Variants in RABGEF1 observed in about 807,000 individuals in gnomAD.
RABGEF1 encodes RAB guanine nucleotide exchange factor 1.
A neutral mutation model predicts 57.3 loss-of-function variants in RABGEF1; 26 were observed. That is an observed-to-expected ratio of 0.45 (90% CI 0.33 to 0.63). RABGEF1 has a LOEUF of 0.63. Ranked by LOEUF, RABGEF1 falls within the 20% of genes least tolerant of loss-of-function variation. RABGEF1 has a pLI of 0.02. For missense variants in RABGEF1, 464 were observed against 607.6 expected, an observed-to-expected ratio of 0.76 and a Z score of 2.48; for synonymous variants, 185 against 210.7, an observed-to-expected ratio of 0.88 and a Z score of 1.06.
At chr7:66,803,256 T>C (rs954728603) in intron 7 of RABGEF1, among the ~76,000 whole-genome samples, 1 of 152,180 alleles carries the variant, frequency 6.6e-6, no homozygotes, top group African/African-American at 2.4e-5. Context: ...CCCCACACGT[T>C]GTCTTTCATG....
At chr7:66,774,871 C>A (rs1808133866) in intron 2 of RABGEF1, among the ~76,000 whole-genome samples, 2 of 152,230 alleles carry the variant, frequency 1.3e-5, no homozygotes, top group Non-Finnish European at 2.9e-5. Context: ...TTCCTGTGTT[C>A]TCACAGCACT....
At chr7:66,678,618 G>C (rs1307492795), upstream of RABGEF1, among the ~76,000 whole-genome samples, 1 of 151,186 alleles carries the variant, frequency 6.6e-6, no homozygotes, top group African/African-American at 2.4e-5. Flanking sequence ...GGGAGGGAGA[G>C]GGATGAAGAG....
rs552345169 is a variant in RABGEF1, at chr7:66,731,756, C to T, written c.-814-8240C>T. ...TTGGCATCAGGTCTGCCAGGAGAGC[C>T]ACCCTCCTGTGCCACAGTCATGCCT... On this transcript the variant is annotated intron_variant and NMD_transcript_variant, in intron 2 of 9. Coordinates refer to the RABGEF1 transcript ENST00000607882. Among the ~76,000 whole-genome samples, 7 of 152,258 alleles carry T rather than the reference C, an allele frequency of 4.6e-5. No homozygotes were observed. In the South Asian group the frequency reaches 1.5e-3, roughly 32 times the overall value.
intron 4 of RABGEF1, among the ~76,000 whole-genome samples, chr7:66,792,382 C>G (rs1475245295): frequency 6.6e-6 from 1 of 152,176 alleles, no homozygotes; most frequent in South Asian, 2.1e-4. Flanking sequence ...GCCAAAGACA[C>G]GAGTCTCCTG....
Position 66,744,912 on chromosome 7 carries a change from G to T in RABGEF1, c.-18+4120G>T, listed in dbSNP as rs568701166. Among the ~76,000 whole-genome samples the T allele has an allele frequency of 5.5e-4, 83 of 152,104 alleles. 1 individual carries two copies. The South Asian group carries it at 0.012, about 22-fold the overall frequency. ...GTTTTCAGTGAAAAAAATGTTATCAGCCGCACACGGTGGCTCACGCCTGTA... is the reference window on the plus strand; with the variant it reads ...GTTTTCAGTGAAAAAAATGTTATCATCCGCACACGGTGGCTCACGCCTGTA... On this transcript the variant is annotated intron_variant, in intron 1 of 8. Coordinates refer to ENST00000284957, the MANE Select transcript of RABGEF1 (RefSeq NM_014504.3).
the RABGEF1 span, among the ~76,000 whole-genome samples, chr7:66,656,006 G>A: frequency 6.6e-6 from 1 of 152,198 alleles, no homozygotes; most frequent in East Asian, 1.9e-4. Flanking sequence ...AGCCTGGAAG[G>A]GATCGGGGAA....
intron 1 of RABGEF1, among the ~76,000 whole-genome samples, chr7:66,693,748 G>A (rs769435820): frequency 2.0e-5 from 3 of 152,082 alleles, no homozygotes; most frequent in African/African-American, 4.8e-5. Context: ...CGACCCTCAG[G>A]GAATCATTCA....
At chr7:66,682,577 C>G (rs1164234128) in intron 1 of RABGEF1, among the ~76,000 whole-genome samples, 2 of 152,200 alleles carry the variant, frequency 1.3e-5, no homozygotes, top group Non-Finnish European at 2.9e-5. Flanking sequence ...TCCCCTCGGT[C>G]CGGCTCCCAC....
chr7:66,670,573 G>A, the RABGEF1 span, among the ~76,000 whole-genome samples: 16 of 151,676 alleles, frequency 1.1e-4, no homozygotes, highest in African/African-American at 2.7e-4. Flanking sequence ...AGCTGGGCGC[G>A]GTGGCTCACA....
chr7:66,662,164 G>A, the RABGEF1 span, among the ~76,000 whole-genome samples: 1 of 151,954 alleles, frequency 6.6e-6, no homozygotes, highest in South Asian at 2.1e-4. Flanking sequence ...GCATGAACCC[G>A]GGAGGGGCAG....
At chr7:66,724,088 T>G (rs945429295) in intron 2 of RABGEF1, among the ~76,000 whole-genome samples, 1 of 152,150 alleles carries the variant, frequency 6.6e-6, no homozygotes, top group African/African-American at 2.4e-5. Flanking sequence ...GAAATTTTTT[T>G]TTTGTCTTCG....
At chr7:66,796,582 TTTTGTTTG>T (rs202225343) in intron 5 of RABGEF1, among the ~76,000 whole-genome samples, 20 of 152,080 alleles carry the variant, frequency 1.3e-4, no homozygotes, top group African/African-American at 4.1e-4. Flanking sequence ...AAGAAGATTT[TTTTGTTTG>T]TTTGTTTGTT....
chr7:66,680,836 C>A (rs1342214257), upstream of RABGEF1, among the ~76,000 whole-genome samples: 1 of 151,986 alleles, frequency 6.6e-6, no homozygotes, highest in African/African-American at 2.4e-5. Context: ...AATCCTAGCA[C>A]TTTGGAAGGC....
chr7:66,681,614 G>C (rs1006638217), upstream of RABGEF1, among the ~76,000 whole-genome samples: 4 of 152,254 alleles, frequency 2.6e-5, no homozygotes, highest in East Asian at 7.7e-4. Flanking sequence ...CTGTGGCCCA[G>C]GGTGGTCTCG....
chr7:66,720,450 A>G (rs906096214), intron 2 of RABGEF1, among the ~76,000 whole-genome samples: 3 of 151,528 alleles, frequency 2.0e-5, no homozygotes, highest in African/African-American at 7.3e-5. Context: ...CACTCACCTC[A>G]GCCTCCTAAA....
chr7:66,783,006 T>G (rs144390975), intron 3 of RABGEF1, among the ~76,000 whole-genome samples: 1 of 152,330 alleles, frequency 6.6e-6, no homozygotes, highest in African/African-American at 2.4e-5. Context: ...CATTTTCCTT[T>G]CAGTGTGTTT....
intron 1 of RABGEF1, among the ~76,000 whole-genome samples, chr7:66,708,811 C>T (rs755997680): frequency 2.2e-4 from 33 of 150,684 alleles, no homozygotes; most frequent in African/African-American, 7.6e-4. Context: ...GACCCTGTCT[C>T]GAAAAAAAAT....
intron 1 of RABGEF1, among the ~76,000 whole-genome samples, chr7:66,692,635 C>T (rs1584689046): frequency 6.6e-6 from 1 of 152,172 alleles, no homozygotes; most frequent in East Asian, 1.9e-4. Flanking sequence ...CCCTCCAGTT[C>T]TAAGTGGTGG....
chr7:66,729,098 G>T (rs1165877156), intron 2 of RABGEF1, among the ~76,000 whole-genome samples: 2 of 151,722 alleles, frequency 1.3e-5, no homozygotes, highest in African/African-American at 2.4e-5. Flanking sequence ...CTACAGGTGC[G>T]TGCGACCATG....
Sources: allele counts gnomAD v4.1 joint callset (sites outside exome capture counted in the v4.1 genomes callset), GRCh38; gene constraint gnomAD v4.1.1; transcripts MANE v1.5; gene names NCBI Gene and HGNC (gene_info 2026-07-23, HGNC 2026-07-21).